DHRSX: variants seen among roughly 807,000 people sequenced by gnomAD.
DHRSX encodes the protein dehydrogenase/reductase X-linked.
In DHRSX, 31 loss-of-function variants were observed where a neutral mutation model predicts 34.0. The observed-to-expected ratio is 0.91, with a 90% CI of 0.69 to 1.23. The LOEUF (loss-of-function observed/expected upper bound fraction) is 1.23. Among genes scored for constraint, DHRSX ranks in the 50% most tolerant of loss-of-function variants. The pLI is 0.00. For synonymous variants in DHRSX, 201 were observed against 183.8 expected (o/e 1.09, Z -0.76); for missense variants, 414 against 428.1 (o/e 0.97, Z 0.29).
chrX:2,367,968 C>A (rs1232157503), intron 3 of DHRSX, among the ~76,000 whole-genome samples: 1 of 152,020 alleles, frequency 6.6e-6, no homozygotes, highest in African/African-American at 2.4e-5. Context: ...TGAGGCCAGG[C>A]ACGGAGGCTC....
chrX:2,359,496 G>A (rs1197514582), intron 3 of DHRSX, among the ~76,000 whole-genome samples: 2 of 152,080 alleles, frequency 1.3e-5, no homozygotes, highest in Non-Finnish European at 2.9e-5. Flanking sequence ...GCCAACACAT[G>A]GTGAAACCCC....
chrX:2,360,385 C>T (rs1179019307), intron 3 of DHRSX, among the ~76,000 whole-genome samples: 3 of 152,102 alleles, frequency 2.0e-5, no homozygotes, highest in South Asian at 2.1e-4. Context: ...GAGTTCAAGA[C>T]CAGCCTGACC....
intron 1 of DHRSX, among the ~76,000 whole-genome samples, chrX:2,457,977 G>A (rs1424521469): frequency 3.3e-5 from 5 of 151,382 alleles, no homozygotes; most frequent in Non-Finnish European, 7.4e-5. Flanking sequence ...GTGGCTAAGG[G>A]ACCACCGCAG....
intron 1 of DHRSX, among the ~76,000 whole-genome samples, chrX:2,453,475 C>G (rs181816787): frequency 6.6e-6 from 1 of 151,764 alleles, no homozygotes; most frequent in East Asian, 1.9e-4. Flanking sequence ...AATTCAAGAC[C>G]AGCCTGAGCA....
intron 3 of DHRSX, among the ~76,000 whole-genome samples, chrX:2,360,692 T>C (rs2042922717): frequency 1.3e-5 from 2 of 151,978 alleles, no homozygotes; most frequent in Non-Finnish European, 2.9e-5. Flanking sequence ...AGCCAGGTTA[T>C]CGCCAAGTTT....
At chrX:2,435,639 T>C (rs2043982379) in intron 1 of DHRSX, among the ~76,000 whole-genome samples, 1 of 151,976 alleles carries the variant, frequency 6.6e-6, no homozygotes, top group African/African-American at 2.4e-5. Context: ...GTGGCTTGCA[T>C]GTGTAGTCCC....
intron 3 of DHRSX, among the ~76,000 whole-genome samples, chrX:2,338,551 T>C (rs777007910): frequency 4.3e-4 from 65 of 151,982 alleles, no homozygotes; most frequent in African/African-American, 1.5e-3. Context: ...TCAATGTCCT[T>C]TCTTGAAGCA....
At position 2,355,695 on chromosome X, in the gene DHRSX, G is replaced by A. The variant is rs143365205; in HGVS notation, c.286+53050C>T. Among the ~76,000 whole-genome samples the A allele has an allele frequency of 1.1e-3, 168 of 152,010 alleles. 1 individual carries two copies. Among genetic ancestry groups the A allele is most frequent in the African/African-American group, 2.5e-3 (102 of 41,470 alleles). On this transcript the variant is annotated intron_variant, in intron 3 of 6. Coordinates refer to ENST00000334651, the MANE Select transcript of DHRSX (RefSeq NM_145177.3). ...GCGGTAACATAATAAGAAGGGTGCC[G>A]GAAACGAGTAGGAGATATAACATCA... is the stretch of plus-strand genomic sequence containing the variant.
chrX:2,439,902 C>A (rs2044041837), intron 1 of DHRSX, among the ~76,000 whole-genome samples: 1 of 152,040 alleles, frequency 6.6e-6, no homozygotes, highest in African/African-American at 2.4e-5. Context: ...GCTGCACAGC[C>A]CAGTTACTAA....
chrX:2,330,656 T>G, intron 3 of DHRSX, among the ~76,000 whole-genome samples: 11 of 119,410 alleles, frequency 9.2e-5, no homozygotes, highest in East Asian at 2.4e-4. Flanking sequence ...CGAAAGAAGA[T>G]GAAGGAGAAG....
At chrX:2,420,856 C>T (rs1466485313) in intron 2 of DHRSX, among the ~76,000 whole-genome samples, 1 of 152,106 alleles carries the variant, frequency 6.6e-6, no homozygotes, top group African/African-American at 2.4e-5. Context: ...CCAAAAAGTG[C>T]TCACCTGCTT....
intron 1 of DHRSX, among the ~76,000 whole-genome samples, chrX:2,469,397 G>A (rs948886178): frequency 6.6e-6 from 1 of 150,638 alleles, no homozygotes; most frequent in Non-Finnish European, 1.5e-5. Flanking sequence ...CATTGAAGAC[G>A]TTCCCAAAGA....
In DHRSX at chrX:2,269,279, T is replaced by A. The variant is rs183790913; in HGVS notation, c.389-2332A>T. Among the ~76,000 whole-genome samples, 993 of 152,336 alleles carry A rather than the reference T, an allele frequency of 6.5e-3. 19 individuals are homozygous for A. The highest frequency in any genetic ancestry group is 0.023 in the African/African-American group (942 of 41,588). On this transcript the variant is annotated intron_variant, in intron 4 of 6. Transcript: ENST00000334651. Reference sequence around the variant, plus strand: ...TATGTATTTTATATCTACACACAAATATATAGAGGTCTAGCATTTCTCTGT... The same window carrying A: ...TATGTATTTTATATCTACACACAAAAATATAGAGGTCTAGCATTTCTCTGT...
chrX:2,306,835 TC>T (rs2042102920), intron 3 of DHRSX, among the ~76,000 whole-genome samples: 1 of 152,070 alleles, frequency 6.6e-6, no homozygotes, highest in African/African-American at 2.4e-5. Context: ...TCCCTCCGCC[TC>T]AATTTTTTAG....
chrX:2,499,929 G>A (rs5939517), intron 1 of DHRSX, among the ~76,000 whole-genome samples: 7,881 of 152,090 alleles, frequency 0.052, 301 homozygotes, highest in South Asian at 0.15. Context: ...TGTAATGCCA[G>A]CACTTTGGGA....
intron 5 of DHRSX, among the ~76,000 whole-genome samples, chrX:2,256,863 G>A (rs1185154027): frequency 6.6e-6 from 1 of 151,548 alleles, no homozygotes; most frequent in East Asian, 1.9e-4. Context: ...TTCCCCCAAA[G>A]ACCTTCTCCT....
At chrX:2,296,568 A>ACCCAGGCAGATAGAC (rs2041935200) in intron 3 of DHRSX, among the ~76,000 whole-genome samples, 1 of 108,878 alleles carries the variant, frequency 9.2e-6, no homozygotes, top group Non-Finnish European at 1.8e-5. Context: ...TAGGAATAGG[A>ACCCAGGCAGATAGAC]CCCAGGCAGA....
chrX:2,475,657 G>A (rs1241338579), intron 1 of DHRSX, among the ~76,000 whole-genome samples: 4 of 151,804 alleles, frequency 2.6e-5, no homozygotes, highest in Non-Finnish European at 5.9e-5. Flanking sequence ...CTGCCACCGT[G>A]TACACACTGA....
chrX:2,319,223 C>T (rs1486001464), intron 3 of DHRSX, among the ~76,000 whole-genome samples: 28 of 137,272 alleles, frequency 2.0e-4, no homozygotes, highest in African/African-American at 7.4e-4. Flanking sequence ...TCCTCCCCCC[C>T]TCCCTTCTCC....
Sources: allele counts gnomAD v4.1 joint callset (sites outside exome capture counted in the v4.1 genomes callset), GRCh38; gene constraint gnomAD v4.1.1; transcripts MANE v1.5; gene names NCBI Gene and HGNC (gene_info 2026-07-23, HGNC 2026-07-21).